MIPOL1: variants seen among roughly 807,000 people sequenced by gnomAD.
The protein encoded by MIPOL1 is mirror-image polydactyly gene 1 protein.
A neutral mutation model predicts 60.9 loss-of-function variants in MIPOL1; 57 were observed. That is an observed-to-expected ratio of 0.94 (90% CI 0.76 to 1.17). The LOEUF is 1.17. MIPOL1 is among the 50% of genes most tolerant of loss of function. MIPOL1 has a pLI of 0.00. For missense variants in MIPOL1, 551 were observed against 511.6 expected, an observed-to-expected ratio of 1.08 and a Z score of -0.74; for synonymous variants, 179 against 168.8, an observed-to-expected ratio of 1.06 and a Z score of -0.47.
chr14:37,297,731 A>C (rs998555850), intron 7 of MIPOL1, among the ~76,000 whole-genome samples: 2 of 152,212 alleles, frequency 1.3e-5, no homozygotes, highest in African/African-American at 4.8e-5. Flanking sequence ...TAAAATACCT[A>C]GGAATCCAAC....
intron 4 of MIPOL1, among the ~76,000 whole-genome samples, chr14:37,267,376 T>C (rs866696518): frequency 7.9e-5 from 12 of 151,976 alleles, no homozygotes; most frequent in South Asian, 2.1e-4. Flanking sequence ...TAATCCCAGC[T>C]ACTCAGGAGG....
chr14:37,446,596 A>G (rs2094338874), intron 11 of MIPOL1, among the ~76,000 whole-genome samples: 3 of 152,184 alleles, frequency 2.0e-5, no homozygotes, highest in South Asian at 2.1e-4. Flanking sequence ...AGGATTATAA[A>G]TCATTCCAGT....
At chr14:37,292,308 T>C (rs1183853121) in intron 7 of MIPOL1, among the ~76,000 whole-genome samples, 1 of 152,048 alleles carries the variant, frequency 6.6e-6, no homozygotes, top group African/African-American at 2.4e-5. Flanking sequence ...TTTCTTGTTT[T>C]ATTATGAACT....
chr14:37,400,722 C>T (rs1595600685), intron 10 of MIPOL1: 1 of 152,170 alleles, frequency 6.6e-6, no homozygotes, highest in Admixed American at 6.5e-5. Context: ...AAGAAACTAC[C>T]CCTTGTCCTG....
chr14:37,332,866 G>A (rs548017427), intron 9 of MIPOL1, among the ~76,000 whole-genome samples: 37 of 152,232 alleles, frequency 2.4e-4, no homozygotes, highest in East Asian at 1.4e-3. Flanking sequence ...CGAAAAATAC[G>A]TGAGAACTGC....
intron 8 of MIPOL1, 106 bp downstream of exon 8, chr14:37,308,195 G>T: frequency 8.0e-7 from 1 of 1,249,536 alleles, no homozygotes; most frequent in South Asian, 1.4e-5. Context: ...AAGAAGAATT[G>T]ACACACTAAT....
chr14:37,299,369 A>T (rs1002153187), intron 7 of MIPOL1, among the ~76,000 whole-genome samples: 1 of 152,102 alleles, frequency 6.6e-6, no homozygotes, highest in African/African-American at 2.4e-5. Flanking sequence ...CAGCACACCA[A>T]CATGGCACAT....
intron 12 of MIPOL1, among the ~76,000 whole-genome samples, chr14:37,544,660 G>A (rs1323928759): frequency 6.6e-6 from 1 of 152,176 alleles, no homozygotes; most frequent in Admixed American, 6.5e-5. Context: ...TTACAGGAAG[G>A]AATAGGTGCT....
At chr14:37,235,911 C>T (rs1182934409) in intron 1 of MIPOL1, among the ~76,000 whole-genome samples, 1 of 151,792 alleles carries the variant, frequency 6.6e-6, no homozygotes, top group African/African-American at 2.4e-5. Context: ...ATGACCTTAC[C>T]AATGCTTAGT....
chr14:37,213,924 A>G (rs1967131452), intron 1 of MIPOL1, among the ~76,000 whole-genome samples: 1 of 149,330 alleles, frequency 6.7e-6, no homozygotes, highest in Non-Finnish European at 1.5e-5. Flanking sequence ...TGACATATTT[A>G]AAGTGCTGGA....
intron 1 of MIPOL1, among the ~76,000 whole-genome samples, chr14:37,203,074 A>C (rs1193172735): frequency 6.6e-6 from 1 of 152,216 alleles, no homozygotes; most frequent in Non-Finnish European, 1.5e-5. Context: ...AGAGAAAAAG[A>C]GATAATGCAC....
At chr14:37,533,174 ACTCT>A (rs1370486154) in intron 12 of MIPOL1, among the ~76,000 whole-genome samples, 4 of 152,054 alleles carry the variant, frequency 2.6e-5, no homozygotes, top group Non-Finnish European at 5.9e-5. Context: ...AAAATGAATC[ACTCT>A]TATTTATGTA....
chr14:37,548,489 G>T lies in MIPOL1; in HGVS notation c.*1518G>T, dbSNP rs982735651. On this transcript the variant is annotated 3_prime_UTR_variant, in exon 13 of 13. Transcript: ENST00000684589. ...ATTTAATTTGCTCTATAGTCCTAAA[G>T]AGAATTATATCCTCTCATAGACCAA... 1.3e-5 allele frequency: 2 copies of T among 151,972 alleles called. No homozygotes were observed. Among genetic ancestry groups the T allele is most frequent in the African/African-American group, 4.8e-5 (2 of 41,438 alleles). 9.4% of individuals were successfully genotyped at this position (151,972 alleles called of 1,614,324 possible).
At chr14:37,302,266 T>G (rs1440639688) in intron 7 of MIPOL1, among the ~76,000 whole-genome samples, 34 of 147,468 alleles carry the variant, frequency 2.3e-4, no homozygotes, top group Admixed American at 3.4e-4. Flanking sequence ...ACTGTTGTTT[T>G]TTTTTTTTTT....
chr14:37,486,309 G>A (rs949453577), intron 11 of MIPOL1, among the ~76,000 whole-genome samples: 1 of 152,064 alleles, frequency 6.6e-6, no homozygotes, highest in South Asian at 2.1e-4. Context: ...GGATTGTCTT[G>A]GCAATGCAGA....
intron 9 of MIPOL1, among the ~76,000 whole-genome samples, chr14:37,355,446 G>T (rs952198244): frequency 6.6e-6 from 1 of 150,598 alleles, no homozygotes; most frequent in Non-Finnish European, 1.5e-5. Context: ...GAATCTGAAC[G>T]TTGGCCTGCC....
intron 1 of MIPOL1, among the ~76,000 whole-genome samples, chr14:37,230,125 C>T (rs1567074143): frequency 6.6e-6 from 1 of 152,102 alleles, no homozygotes; most frequent in Non-Finnish European, 1.5e-5. Context: ...GCTTGATGCA[C>T]CCATTCCACA....
intron 11 of MIPOL1, among the ~76,000 whole-genome samples, chr14:37,447,368 A>T (rs2094353567): frequency 6.6e-6 from 1 of 152,184 alleles, no homozygotes; most frequent in Admixed American, 6.5e-5. Context: ...GTATAATAAT[A>T]AACAACTACA....
At chr14:37,288,055 T>C (rs1041802167) in intron 7 of MIPOL1, among the ~76,000 whole-genome samples, 2 of 152,190 alleles carry the variant, frequency 1.3e-5, no homozygotes, top group Non-Finnish European at 2.9e-5. Flanking sequence ...AGCTTGAGGA[T>C]TGCAGCCTGG....
Sources: gnomAD v4.1 joint callset for allele counts (sites outside exome capture counted in the v4.1 genomes callset) on GRCh38, gnomAD v4.1.1 for gene constraint, MANE v1.5 for transcripts, NCBI Gene and HGNC (gene_info 2026-07-23, HGNC 2026-07-21) for gene names.